Variants in MPHOSPH6 observed in about 807,000 individuals in gnomAD.
MPHOSPH6 encodes M-phase phosphoprotein 6.
Under a neutral mutation model 21.8 loss-of-function variants are expected in MPHOSPH6, and 25 were observed. The observed-to-expected ratio is 1.15, with a 90% confidence interval of 0.83 to 1.60. MPHOSPH6 has a LOEUF of 1.60. Among genes scored for constraint, MPHOSPH6 ranks in the 40% most tolerant of loss-of-function variants. MPHOSPH6 has a pLI of 0.00. For missense variants in MPHOSPH6, 269 were observed against 181.8 expected, an observed-to-expected ratio of 1.48 and a Z score of -2.76; for synonymous variants, 84 against 56.5, an observed-to-expected ratio of 1.49 and a Z score of -2.18.
chr16:82,152,034 A>G (rs1906281520), intron 2 of MPHOSPH6, among the ~76,000 whole-genome samples: 3 of 152,220 alleles, frequency 2.0e-5, no homozygotes, highest in Admixed American at 2.0e-4. Flanking sequence ...TAAGGAACGT[A>G]ATTTGGAAAG....
At chr16:82,164,003 C>T (rs1906683766) in intron 2 of MPHOSPH6, 79 bp downstream of exon 2, 18 of 899,060 alleles carry the variant, frequency 2.0e-5, no homozygotes, top group South Asian at 1.6e-4. Flanking sequence ...TTTATGTCAC[C>T]GGAATGATGA....
At chr16:82,156,526 C>G (rs983977946) in intron 2 of MPHOSPH6, among the ~76,000 whole-genome samples, 1 of 152,140 alleles carries the variant, frequency 6.6e-6, no homozygotes, top group East Asian at 1.9e-4. Context: ...GGAAGAAGTT[C>G]TTCAACATTA....
In MPHOSPH6 at chr16:82,151,601, C is replaced by T. The variant is rs1203516206; in HGVS notation, c.165-87G>A. ...ACTTTGAATAAAAAAAATAATCAAC[C>T]TATGGTTCTCAGTAGAATGAAGTAA... is the stretch of plus-strand genomic sequence containing the variant. On this transcript the variant is annotated intron_variant, in intron 2 of 4. Transcript: ENST00000258169. 4.9e-6 allele frequency: 7 copies of T among 1,434,072 alleles called. No individual in the cohort carries two copies. In the Admixed American group the frequency reaches 1.1e-4, roughly 22 times the overall value. The allele number at this position is 1,434,072 out of a possible 1,614,324, so 88.8% of individuals were successfully genotyped here.
At chr16:82,150,088 C>T (rs1240622419) in intron 3 of MPHOSPH6, among the ~76,000 whole-genome samples, 2 of 151,230 alleles carry the variant, frequency 1.3e-5, no homozygotes, top group African/African-American at 4.9e-5. Context: ...TCAGTCTTAA[C>T]TAGTTTTTCT....
At chr16:82,168,473 T>TC (rs377514524) in intron 1 of MPHOSPH6, among the ~76,000 whole-genome samples, 51 of 47,814 alleles carry the variant, frequency 1.1e-3, no homozygotes, top group African/African-American at 1.1e-3. Context: ...ACTCTCTCTC[T>TC]TTTTTTTTTT....
chr16:82,166,450 T>C (rs1370622569), intron 1 of MPHOSPH6, among the ~76,000 whole-genome samples: 1 of 152,242 alleles, frequency 6.6e-6, no homozygotes, highest in African/African-American at 2.4e-5. Context: ...GACTTCCTGG[T>C]TGGCATTTGG....
At chr16:82,168,073 C>T (rs898418997) in intron 1 of MPHOSPH6, among the ~76,000 whole-genome samples, 1 of 152,162 alleles carries the variant, frequency 6.6e-6, no homozygotes, top group Non-Finnish European at 1.5e-5. Context: ...TGATCTTTTT[C>T]CTTCTCCTTT....
chr16:82,150,718 G>A (rs993101695), intron 3 of MPHOSPH6, among the ~76,000 whole-genome samples: 27 of 152,176 alleles, frequency 1.8e-4, no homozygotes, highest in African/African-American at 6.5e-4. Flanking sequence ...TCTTAGGAAA[G>A]CCACCACCAC....
chr16:82,165,138 T>G (rs1309732579), intron 1 of MPHOSPH6, among the ~76,000 whole-genome samples: 1 of 125,530 alleles, frequency 8.0e-6, no homozygotes, highest in Non-Finnish European at 1.7e-5. Flanking sequence ...TTTTTATTTT[T>G]TTTTTTTGAG....
At chr16:82,169,878 C>T (rs1252022031) in intron 1 of MPHOSPH6, among the ~76,000 whole-genome samples, 1 of 152,226 alleles carries the variant, frequency 6.6e-6, no homozygotes, top group Non-Finnish European at 1.5e-5. Flanking sequence ...GTAAGCTGTA[C>T]CCTGACTGCT....
chr16:82,167,388 C>T (rs988482487), intron 1 of MPHOSPH6, among the ~76,000 whole-genome samples: 1 of 152,150 alleles, frequency 6.6e-6, no homozygotes, highest in Non-Finnish European at 1.5e-5. Flanking sequence ...TTTTTGGCAC[C>T]AGGGATGGGC....
At chr16:82,152,858 A>G (rs1906309712) in intron 2 of MPHOSPH6, among the ~76,000 whole-genome samples, 1 of 152,242 alleles carries the variant, frequency 6.6e-6, no homozygotes, top group South Asian at 2.1e-4. Flanking sequence ...GTGGCTTTTA[A>G]GGCTTGTTTG....
intron 2 of MPHOSPH6, among the ~76,000 whole-genome samples, chr16:82,163,260 C>A (rs1221464683): frequency 6.6e-6 from 1 of 152,158 alleles, no homozygotes; most frequent in African/African-American, 2.4e-5. Flanking sequence ...GTCATTTGAC[C>A]AAAGTTTAAG....
intron 2 of MPHOSPH6, among the ~76,000 whole-genome samples, chr16:82,159,071 T>C (rs1278342351): frequency 6.6e-6 from 1 of 152,246 alleles, no homozygotes; most frequent in Non-Finnish European, 1.5e-5. Flanking sequence ...ACCAAAGAAT[T>C]ATCTGAAAAG....
intron 2 of MPHOSPH6, among the ~76,000 whole-genome samples, chr16:82,152,812 G>A (rs973466750): frequency 1.3e-5 from 2 of 152,186 alleles, no homozygotes; most frequent in Non-Finnish European, 2.9e-5. Flanking sequence ...CTCCAGCCTG[G>A]CCATAAACCC....
Position 82,148,257 on chromosome 16 carries a change from G to C in MPHOSPH6, c.*474C>G, listed in dbSNP as rs1906145925. The C allele has an allele frequency of 6.6e-6, 1 of 152,390 alleles. No individual in the cohort carries two copies. Among genetic ancestry groups the C allele is most frequent in the African/African-American group, 2.4e-5 (1 of 41,438 alleles). 9.4% of individuals were successfully genotyped at this position (152,390 alleles called of 1,614,324 possible). ...ATACCATAAACTGACAATGACCTGG[G>C]AGCATGTAAATACTTAAGGCTGGAG... On this transcript the variant is annotated 3_prime_UTR_variant, in exon 5 of 5. Transcript: ENST00000258169.
chr16:82,169,214 C>T (rs1212420964), intron 1 of MPHOSPH6, among the ~76,000 whole-genome samples: 2 of 152,238 alleles, frequency 1.3e-5, no homozygotes, highest in African/African-American at 4.8e-5. Flanking sequence ...AAATTCCCTG[C>T]ACGTTGTGAC....
intron 2 of MPHOSPH6, among the ~76,000 whole-genome samples, chr16:82,152,192 C>T (rs78277845): frequency 0.14 from 21,857 of 152,120 alleles, 2,239 homozygotes; most frequent in Admixed American, 0.34. Flanking sequence ...CTGTGTGGTG[C>T]ACTTATACAC....
chr16:82,151,959 T>C lies in MPHOSPH6; in HGVS notation c.165-445A>G, dbSNP rs567420563. 9.8e-5 allele frequency among the ~76,000 whole-genome samples: 15 copies of C among 152,332 alleles called. No individual in the cohort carries two copies. The South Asian group carries it at 2.3e-3, about 23-fold the overall frequency. ...AATCATTTTAATAAAGTTTCTGGCA[T>C]ATTTTGTCTTTCGTTCTCAGGGATT... On this transcript the variant is annotated intron_variant, in intron 2 of 4. Coordinates refer to ENST00000258169, the MANE Select transcript of MPHOSPH6 (RefSeq NM_005792.2).
Sources: gnomAD v4.1 joint callset for allele counts (sites outside exome capture counted in the v4.1 genomes callset) on GRCh38, gnomAD v4.1.1 for gene constraint, MANE v1.5 for transcripts, NCBI Gene and HGNC (gene_info 2026-07-23, HGNC 2026-07-21) for gene names.